P4HA2: variants seen among roughly 807,000 people sequenced by gnomAD.
The protein encoded by P4HA2 is prolyl 4-hydroxylase subunit alpha-2.
A neutral mutation model predicts 76.9 loss-of-function variants in P4HA2; 46 were observed. The ratio of observed to expected loss-of-function variants is 0.60; its 90% confidence interval spans 0.47 to 0.76. The LOEUF (loss-of-function observed/expected upper bound fraction) is 0.76, where lower values mean the gene tolerates loss of function less well. Ranked by LOEUF, P4HA2 falls within the 30% of genes least tolerant of loss-of-function variation. The pLI, the probability that P4HA2 is intolerant of heterozygous loss-of-function variation, is 0.00. For missense variants in P4HA2, 583 were observed against 669.4 expected, an observed-to-expected ratio of 0.87 and a Z score of 1.42; for synonymous variants, 243 against 254.0, an observed-to-expected ratio of 0.96 and a Z score of 0.41.
intron 6 of P4HA2, 147 bp downstream of exon 6, chr5:132,210,137 G>T: frequency 1.1e-6 from 1 of 875,682 alleles, no homozygotes; most frequent in Non-Finnish European, 1.8e-6. Context: ...AGCTGGACTG[G>T]TCCTAAAGTC....
intron 5 of P4HA2, 143 bp from the exon 6 acceptor site, chr5:132,210,666 A>C: frequency 1.2e-6 from 1 of 805,272 alleles, no homozygotes; most frequent in Non-Finnish European, 2.1e-6. Flanking sequence ...GCATATCCTA[A>C]AGGGCCACTG....
chr5:132,198,292 G>C, intron 12 of P4HA2, 29 bp downstream of exon 12: 1 of 1,614,214 alleles, frequency 6.2e-7, no homozygotes, highest in East Asian at 2.2e-5. Context: ...AAGTGAGAAT[G>C]AACAGGTGGG....
chr5:132,213,719 T>A (rs1279284864), intron 5 of P4HA2, among the ~76,000 whole-genome samples, 197 bp downstream of exon 5: 1 of 152,076 alleles, frequency 6.6e-6, no homozygotes, highest in African/African-American at 2.4e-5. Flanking sequence ...CCTTGGCTAA[T>A]ACATGGAGGG....
In P4HA2 at chr5:132,204,093, C is replaced by G. The variant is rs1331135673; in HGVS notation, c.1140G>C (p.Arg380=). 3 of 1,613,760 alleles carry G rather than the reference C, an allele frequency of 1.9e-6. No individual in the cohort carries two copies. Among genetic ancestry groups the G allele is most frequent in the Non-Finnish European group, 2.5e-6 (3 of 1,179,660 alleles). Reference sequence around the variant, plus strand: ...TGCTCTTTGCTTACCTTTTGGAAACCCGGTAGCTGGCGACAGTGAGGACTC... The same window carrying G: ...TGCTCTTTGCTTACCTTTTGGAAACGCGGTAGCTGGCGACAGTGAGGACTC... The part of the protein sequence containing the change: ...KTGVLTVASY[R]VSKSSWLEED... Residue 380 remains arginine, a synonymous_variant, in exon 9 of 15, where the codon CGG becomes CGC. Transcript: ENST00000360568.
chr5:132,198,319 A>C lies in P4HA2; in HGVS notation c.1365+2T>G, dbSNP rs767471025. On this transcript the variant is annotated splice_donor_variant, in intron 12 of 14. Transcript: ENST00000360568. LOFTEE classifies it high-confidence loss of function. Reference sequence around the variant, plus strand: ...ACAGGTGGGCCTGGACCCAGTACTTACGTAGTTAAGAAACGTCGCTAACCT... The same window carrying C: ...ACAGGTGGGCCTGGACCCAGTACTTCCGTAGTTAAGAAACGTCGCTAACCT... The C allele has an allele frequency of 8.1e-6, 13 of 1,614,054 alleles. No homozygotes were observed. In the Admixed American group the frequency reaches 2.2e-4, roughly 27 times the overall value.
At chr5:132,194,813 G>A in intron 14 of P4HA2, 113 bp downstream of exon 14, 1 of 752,576 alleles carries the variant, frequency 1.3e-6, no homozygotes, top group Non-Finnish European at 2.4e-6. Context: ...CCTAAGAAGG[G>A]AGACAGTCTC....
chr5:132,198,359 T>A lies in P4HA2; in HGVS notation c.1327A>T (p.Lys443Ter), dbSNP rs1335469874. The A allele has an allele frequency of 6.2e-7, 1 of 1,613,708 alleles. No homozygotes were observed. The highest frequency in any genetic ancestry group is 1.1e-5 in the South Asian group (1 of 91,056). Residue 443 changes from lysine to a stop codon, truncating the protein, a stop_gained, in exon 12 of 15, where the codon AAA becomes TAA. Coordinates refer to ENST00000360568, the MANE Select transcript of P4HA2 (RefSeq NM_001017974.2). LOFTEE classifies it high-confidence loss of function. ...GTCGCTAACCTATTCCCCTCTGTTT[T>A]GAGGCCGCTGTCAAAAGGTCGCTGC... ...FSRRPFDSGLKTEGNRLATFL... is the reference protein window; with the variant it reads ...FSRRPFDSGL
chr5:132,193,839 A>C (rs1260623581), intron 14 of P4HA2, among the ~76,000 whole-genome samples: 1 of 152,208 alleles, frequency 6.6e-6, no homozygotes, highest in Non-Finnish European at 1.5e-5. Flanking sequence ...ATTTTATTTC[A>C]ATGCACTACT....
chr5:132,205,536 G>C (rs1752096061), intron 8 of P4HA2, among the ~76,000 whole-genome samples: 1 of 152,208 alleles, frequency 6.6e-6, no homozygotes. Context: ...TGAGGGGCCA[G>C]AGTGGGGACT....
chr5:132,217,068 A>G, intron 4 of P4HA2, 129 bp downstream of exon 4: 1 of 801,342 alleles, frequency 1.2e-6, no homozygotes, highest in Non-Finnish European at 1.9e-6. Flanking sequence ...CCATGAGACC[A>G]GCAGGGTCCT....
rs141989159 is a variant in P4HA2, at chr5:132,198,205, C to T, written c.1365+116G>A. The T allele has an allele frequency of 2.3e-4, 364 of 1,614,096 alleles. No individual in the cohort carries two copies. In the African/African-American group the frequency reaches 3.8e-3, roughly 17 times the overall value. On this transcript the variant is annotated intron_variant, in intron 12 of 14. Transcript: ENST00000360568. Reference sequence around the variant, plus strand: ...GGCTCATCAGCACACATCATACTCACGTAGTTTAAGAAAGTAGCCACACGA... The same window carrying T: ...GGCTCATCAGCACACATCATACTCATGTAGTTTAAGAAAGTAGCCACACGA...
Position 132,192,940 on chromosome 5 carries a change from G to A in P4HA2, c.*70C>T. ...ATCAGCCTGATAGGAACATACAAAG[G>A]AACATACAAAGGTGTCTGTCACGTT... On this transcript the variant is annotated 3_prime_UTR_variant, in exon 15 of 15. Coordinates refer to ENST00000360568, the MANE Select transcript of P4HA2 (RefSeq NM_001017974.2). 1.0e-6 allele frequency: 1 copy of A among 980,066 alleles called. No homozygotes were observed. The highest frequency in any genetic ancestry group is 1.7e-6 in the Non-Finnish European group (1 of 602,248). The allele number at this position is 980,066 out of a possible 1,614,324, so 60.7% of individuals were successfully genotyped here.
chr5:132,211,013 AG>A (rs148605869), intron 5 of P4HA2, among the ~76,000 whole-genome samples: 4,127 of 152,366 alleles, frequency 0.027, 89 homozygotes, highest in Non-Finnish European at 0.041. Flanking sequence ...CCAGAGCTCC[AG>A]GGAGCACCTA....
chr5:132,221,609 G>A (rs1436871859), intron 1 of P4HA2, among the ~76,000 whole-genome samples: 1 of 152,252 alleles, frequency 6.6e-6, no homozygotes, highest in East Asian at 1.9e-4. Flanking sequence ...TAATGTATAT[G>A]TGTATATAGA....
At position 132,195,626 on chromosome 5, in the gene P4HA2, G is replaced by A. The variant is rs537947018; in HGVS notation, c.1366-146C>T. On this transcript the variant is annotated intron_variant, in intron 12 of 14. Coordinates refer to ENST00000360568, the MANE Select transcript of P4HA2 (RefSeq NM_001017974.2). ...TGTCTGCTCCATGGCCAGCCCTTTAGCCAAGAAAGGCTCTTCCCATGCCTA... is the reference window on the plus strand; with the variant it reads ...TGTCTGCTCCATGGCCAGCCCTTTAACCAAGAAAGGCTCTTCCCATGCCTA... 5.4e-5 allele frequency: 36 copies of A among 668,078 alleles called. No homozygotes were observed. The Admixed American group carries it at 7.8e-4, about 14-fold the overall frequency. The allele number at this position is 668,078 out of a possible 1,614,324, so 41.4% of individuals were successfully genotyped here. A position where few individuals can be genotyped will look rare whatever the true frequency, so the allele number is the denominator to read the frequency against.
At position 132,208,587 on chromosome 5, in the gene P4HA2, C is replaced by T. The variant is rs193292329; in HGVS notation, c.903+551G>A. Among the ~76,000 whole-genome samples the T allele has an allele frequency of 3.0e-3, 451 of 151,888 alleles. 1 individual carries two copies. Among genetic ancestry groups the T allele is most frequent in the Middle Eastern group, 0.02 (6 of 294 alleles). On this transcript the variant is annotated intron_variant, in intron 7 of 14. Coordinates refer to ENST00000360568, the MANE Select transcript of P4HA2 (RefSeq NM_001017974.2). ...GCAGAAAGTAATTCCTGACCCTTTTCGTGAAGACTTGAGTAGGTCTGAAGG... is the reference window on the plus strand; with the variant it reads ...GCAGAAAGTAATTCCTGACCCTTTTTGTGAAGACTTGAGTAGGTCTGAAGG...
At chr5:132,222,380 T>C (rs1177682599) in intron 1 of P4HA2, among the ~76,000 whole-genome samples, 1 of 152,084 alleles carries the variant, frequency 6.6e-6, no homozygotes. Context: ...TAGGCAAGTA[T>C]GGGGGGTACC....
At chr5:132,204,043 T>TG (rs1433920545) in intron 9 of P4HA2, 39 bp downstream of exon 9, 1 of 1,553,226 alleles carries the variant, frequency 6.4e-7, no homozygotes, top group East Asian at 2.2e-5. Context: ...GTCCTGAAGT[T>TG]GGGGCTTGAG....
At chr5:132,195,310 C>G in intron 13 of P4HA2, 102 bp downstream of exon 13, 1 of 898,512 alleles carries the variant, frequency 1.1e-6, no homozygotes, top group Non-Finnish European at 1.8e-6. Context: ...TAAGGCACAT[C>G]ACAGTGACAA....
Sources: gnomAD v4.1 joint callset for allele counts (sites outside exome capture counted in the v4.1 genomes callset) on GRCh38, gnomAD v4.1.1 for gene constraint, MANE v1.5 for transcripts, NCBI Gene and HGNC (gene_info 2026-07-23, HGNC 2026-07-21) for gene names.